Variants in LRRC37A2 observed in about 807,000 individuals in gnomAD.
LRRC37A2 encodes the protein leucine-rich repeat-containing protein 37A2.
A neutral mutation model predicts 68.8 loss-of-function variants in LRRC37A2; 9 were observed. That is an observed-to-expected ratio of 0.13 (90% CI 0.08 to 0.23). LRRC37A2 has a LOEUF of 0.23. Among genes scored for constraint, LRRC37A2 ranks in the 10% least tolerant of loss-of-function variants. LRRC37A2 has a pLI of 1.00. For synonymous variants in LRRC37A2, 63 were observed against 367.6 expected, an observed-to-expected ratio of 0.17 and a Z score of 9.48; for missense variants, 168 against 950.4, an observed-to-expected ratio of 0.18 and a Z score of 10.82.
the LRRC37A2 span, among the ~76,000 whole-genome samples, chr17:47,008,623 GTTTTT>G: frequency 2.7e-5 from 4 of 145,666 alleles, no homozygotes; most frequent in African/African-American, 1.0e-4. Context: ...TGCCTGGCTA[GTTTTT>G]TTTTTTGTTT....
the LRRC37A2 span, among the ~76,000 whole-genome samples, chr17:46,838,341 C>A: frequency 2.7e-4 from 41 of 149,606 alleles, no homozygotes; most frequent in African/African-American, 9.8e-4. Context: ...AAAAAAAAAT[C>A]ACAGGCCAGG....
At chr17:47,036,296 C>T in the LRRC37A2 span, among the ~76,000 whole-genome samples, 1 of 152,082 alleles carries the variant, frequency 6.6e-6, no homozygotes, top group Non-Finnish European at 1.5e-5. Flanking sequence ...TTTCATCTGT[C>T]TGACATTCTT....
the LRRC37A2 span, chr17:46,942,054 G>A: frequency 5.2e-6 from 3 of 581,616 alleles, no homozygotes; most frequent in Non-Finnish European, 6.5e-6. Flanking sequence ...GAGACTTTGA[G>A]GAAATAACTG....
the LRRC37A2 span, chr17:46,964,590 G>A: frequency 6.6e-6 from 1 of 152,320 alleles, no homozygotes; most frequent in African/African-American, 2.4e-5. Flanking sequence ...ACATGGGAAA[G>A]ATCTCAGAGA....
At chr17:46,948,747 C>T in the LRRC37A2 span, 1 of 152,176 alleles carries the variant, frequency 6.6e-6, no homozygotes, top group African/African-American at 2.4e-5. Context: ...GTAGTAAGAA[C>T]TGTGGATGTG....
the LRRC37A2 span, among the ~76,000 whole-genome samples, chr17:46,896,452 A>AGAAAGAAAAAGAAAG: frequency 1.5e-5 from 1 of 65,834 alleles, no homozygotes; most frequent in Admixed American, 1.8e-4. Context: ...GAAAGAAAGA[A>AGAAAGAAAAAGAAAG]AAAGAAAGAA....
the LRRC37A2 span, among the ~76,000 whole-genome samples, chr17:46,960,465 G>A: frequency 0.96 from 145,762 of 152,332 alleles, 70,069 homozygotes; most frequent in East Asian, 1. Flanking sequence ...AGAGCTAAGC[G>A]TGTGCTTCCT....
At chr17:47,000,076 A>AT in the LRRC37A2 span, among the ~76,000 whole-genome samples, 20 of 25,530 alleles carry the variant, frequency 7.8e-4, no homozygotes, top group East Asian at 7.3e-3. Flanking sequence ...AAATAAAATA[A>AT]AAAATAAAAT....
the LRRC37A2 span, among the ~76,000 whole-genome samples, chr17:46,960,606 T>C: frequency 6.6e-6 from 1 of 152,236 alleles, no homozygotes; most frequent in Non-Finnish European, 1.5e-5. Flanking sequence ...CCAAATATCC[T>C]TCAACTGAAG....
chr17:46,456,219 TG>T, the LRRC37A2 span, among the ~76,000 whole-genome samples: 1 of 111,650 alleles, frequency 9.0e-6, no homozygotes, highest in African/African-American at 3.2e-5. Context: ...TATGTGTGTG[TG>T]TGTGTGTGTG....
chr17:46,768,293 CT>C, the LRRC37A2 span: 2 of 1,612,852 alleles, frequency 1.2e-6, no homozygotes, highest in South Asian at 2.2e-5. The surrounding 1 kb of genome is among the most constrained non-coding windows in gnomAD (Gnocchi z 5.0). Context: ...AGCCTCCCCC[CT>C]GCTTCCCGGA....
the LRRC37A2 span, among the ~76,000 whole-genome samples, chr17:46,922,321 C>T: frequency 7.9e-5 from 12 of 151,202 alleles, no homozygotes; most frequent in African/African-American, 2.4e-4. Flanking sequence ...CATCACACTT[C>T]GGGGCCTGTT....
chr17:46,901,814 T>TTTTTTTC, the LRRC37A2 span, among the ~76,000 whole-genome samples: 5 of 149,984 alleles, frequency 3.3e-5, no homozygotes, highest in African/African-American at 1.2e-4. Flanking sequence ...TTTTTTTTTT[T>TTTTTTTC]TTTTTTTTTT....
At chr17:46,953,815 T>C in the LRRC37A2 span, among the ~76,000 whole-genome samples, 3 of 152,360 alleles carry the variant, frequency 2.0e-5, no homozygotes, top group East Asian at 1.9e-4. Context: ...TTTCATGTGT[T>C]TCTTGGCTGC....
chr17:46,760,470 A>T, the LRRC37A2 span, among the ~76,000 whole-genome samples: 2 of 151,458 alleles, frequency 1.3e-5, no homozygotes, highest in African/African-American at 4.9e-5. Context: ...ATCTCTAAAA[A>T]AAAAAAATTA....
chr17:46,946,103 A>G, the LRRC37A2 span, among the ~76,000 whole-genome samples: 1 of 151,982 alleles, frequency 6.6e-6, no homozygotes, highest in Non-Finnish European at 1.5e-5. Flanking sequence ...CTGGGAATCA[A>G]TTCTCTGTCG....
At chr17:46,808,720 A>G in the LRRC37A2 span, among the ~76,000 whole-genome samples, 2 of 152,172 alleles carry the variant, frequency 1.3e-5, no homozygotes, top group African/African-American at 4.8e-5. Flanking sequence ...AATGACTTAG[A>G]CACTTAAGCA....
the LRRC37A2 span, chr17:46,768,828 C>A: frequency 1.9e-6 from 3 of 1,608,170 alleles, no homozygotes; most frequent in Non-Finnish European, 2.5e-6. This position sits in a 1 kb window ranked among gnomAD's most constrained non-coding sequence, Gnocchi z 5.0. Flanking sequence ...AGCTGGCCAA[C>A]AGACCGACCC....
the LRRC37A2 span, among the ~76,000 whole-genome samples, chr17:46,959,503 A>G: frequency 2.6e-5 from 4 of 152,132 alleles, no homozygotes; most frequent in African/African-American, 9.7e-5. Flanking sequence ...GCAAAGGAAA[A>G]GGTTCTTCTG....
Sources: gnomAD v4.1 joint callset for allele counts (sites outside exome capture counted in the v4.1 genomes callset) on GRCh38, gnomAD v4.1.1 for gene constraint, Gnocchi (gnomAD v3.1) non-coding constraint, MANE v1.5 for transcripts, NCBI Gene and HGNC (gene_info 2026-07-23, HGNC 2026-07-21) for gene names.